Variants in QRFP observed in about 807,000 individuals in gnomAD.
QRFP encodes orexigenic neuropeptide QRFP.
QRFP carries 7 observed loss-of-function variants against 9.1 expected under a neutral mutation model. The ratio of observed to expected loss-of-function variants is 0.77; its 90% CI spans 0.44 to 1.45. QRFP has a LOEUF of 1.45. QRFP is among the 40% of genes most tolerant of loss of function. The pLI is 0.01. For missense variants in QRFP, 204 were observed against 185.4 expected, an observed-to-expected ratio of 1.10 and a Z score of -0.58; for synonymous variants, 91 against 80.2, an observed-to-expected ratio of 1.13 and a Z score of -0.72.
intron 2 of QRFP, among the ~76,000 whole-genome samples, chr9:130,894,091 C>T (rs953511325): frequency 3.9e-5 from 6 of 152,234 alleles, no homozygotes; most frequent in African/African-American, 1.4e-4. Flanking sequence ...ACCGTAAATC[C>T]ACCGCTGCTG....
Position 130,893,381 on chromosome 9 carries a change from A to G in QRFP, c.*47T>C. The G allele has an allele frequency of 1.3e-6, 2 of 1,522,976 alleles. No individual in the cohort carries two copies. Among genetic ancestry groups the G allele is most frequent in the Middle Eastern group, 1.8e-4 (1 of 5,638 alleles). 94.3% of individuals were successfully genotyped at this position (1,522,976 alleles called of 1,614,324 possible). ...GGGGGAGAAGGCAGGAGTGAAGACA[A>G]TGGGGGTGAGTCCAAGAAGCAAATC... On this transcript the variant is annotated 3_prime_UTR_variant, in exon 3 of 3. Coordinates refer to ENST00000623824, the MANE Select transcript of QRFP (RefSeq NM_198180.3).
chr9:130,893,831 C>CT lies in QRFP; in HGVS notation c.7dup (p.Arg3LysfsTer94). On this transcript the variant is annotated frameshift_variant, in exon 3 of 3. Transcript: ENST00000623824. LOFTEE classifies it high-confidence loss of function. The stretch of plus-strand genomic sequence containing the variant: ...GAGGAAGTAGATCAGGGGGTAAGGC[C>CT]TTACCATCTGACCCAGAGGAAAGAG... 6.6e-7 allele frequency: 1 copy of CT among 1,520,244 alleles called. No homozygotes were observed. The highest frequency in any genetic ancestry group is 8.8e-7 in the Non-Finnish European group (1 of 1,134,240). 94.2% of individuals were successfully genotyped at this position (1,520,244 alleles called of 1,614,324 possible). A position where few individuals can be genotyped will look rare whatever the true frequency, so the allele number is the denominator to read the frequency against.
In QRFP at chr9:130,893,599, C is replaced by T; in HGVS notation, c.240G>A (p.Glu80=). The T allele has an allele frequency of 6.2e-7, 1 of 1,612,492 alleles. No homozygotes were observed. The highest frequency in any genetic ancestry group is 8.5e-7 in the Non-Finnish European group (1 of 1,179,552). The change falls in exon 3 of 3, where the codon GAG becomes GAA. Residue 80 remains glutamate, a synonymous_variant. Coordinates refer to ENST00000623824, the MANE Select transcript of QRFP (RefSeq NM_198180.3). ...IARGLQTSGR[E]HAGCRFRFGR... is the part of the protein sequence containing the mutation. ...CGAAGCGGAATCTGCAGCCAGCATG[C>T]TCTCTGCCCGATGTCTGCAGCCCCC...
In QRFP at chr9:130,893,737, G is replaced by C. The variant is rs145979438; in HGVS notation, c.102C>G (p.Leu34=). The C allele has an allele frequency of 1.5e-5, 24 of 1,610,026 alleles. No individual in the cohort carries two copies. The African/African-American group carries it at 2.8e-4, about 19-fold the overall frequency. Residue 34 remains leucine (L), a synonymous_variant, in exon 3 of 3, where the codon CTC becomes CTG. Coordinates refer to ENST00000623824, the MANE Select transcript of QRFP (RefSeq NM_198180.3). ...RREPTDAMGG[L]GAGERWADLA... Reference sequence around the variant, plus strand: ...GGTCGGCCCAGCGTTCTCCAGCTCCGAGGCCACCCATGGCGTCTGTGGGCT... The same window carrying C: ...GGTCGGCCCAGCGTTCTCCAGCTCCCAGGCCACCCATGGCGTCTGTGGGCT...
At position 130,893,763 on chromosome 9, in the gene QRFP, C is replaced by T; in HGVS notation, c.76G>A (p.Glu26Lys). The T allele has an allele frequency of 6.2e-7, 1 of 1,601,482 alleles. No homozygotes were observed. The highest frequency in any genetic ancestry group is 8.5e-7 in the Non-Finnish European group (1 of 1,174,528). ...GACFPLLDRREPTDAMGGLGA... is the reference protein window; with the variant it reads ...GACFPLLDRRKPTDAMGGLGA... ...AGGCCACCCATGGCGTCTGTGGGCT[C>T]TCTTCTGTCCAGTAGAGGGAAGCAG... Residue 26 changes from glutamate (E) to lysine (K), a missense_variant, in exon 3 of 3, where the codon GAG becomes AAG. Coordinates refer to ENST00000623824, the MANE Select transcript of QRFP (RefSeq NM_198180.3).
chr9:130,895,208 C>T (rs1298633309), intron 2 of QRFP, among the ~76,000 whole-genome samples: 2 of 152,164 alleles, frequency 1.3e-5, no homozygotes, highest in African/African-American at 2.4e-5. Flanking sequence ...CTTTCTGCAG[C>T]GGCCCAGCCC....
At position 130,893,482 on chromosome 9, in the gene QRFP, G is replaced by A. The variant is rs146765370; in HGVS notation, c.357C>T (p.Leu119=). ...SGPLGNLAEE[L]NGYSRKKGGF... is the part of the protein sequence containing the mutation. Reference sequence around the variant, plus strand: ...CGCCTTTCTTCCTGCTGTAGCCATTGAGCTCCTCAGCCAGGTTCCCTAACG... The same window carrying A: ...CGCCTTTCTTCCTGCTGTAGCCATTAAGCTCCTCAGCCAGGTTCCCTAACG... The change falls in exon 3 of 3, where the codon CTC becomes CTT. Residue 119 remains leucine, a synonymous_variant. Transcript: ENST00000623824. 1.2e-3 allele frequency: 1,849 copies of A among 1,605,158 alleles called. 1 individual carries two copies. Among genetic ancestry groups the A allele is most frequent in the Middle Eastern group, 1.7e-3 (10 of 6,034 alleles).
rs1564328122 is a variant in QRFP at position 130,893,553 on chromosome 9, C to T, written c.286G>A (p.Glu96Lys). The change falls in exon 3 of 3, where the codon GAG (glutamate) becomes AAG (lysine). Residue 96 changes from glutamate to lysine, a missense_variant. By Grantham distance (56) the Glu-to-Lys change is moderately conservative (BLOSUM62 1). Coordinates refer to ENST00000623824, the MANE Select transcript of QRFP (RefSeq NM_198180.3). Reference protein sequence around the residue: ...FRFGRQDEGSEATGFLPAAGE... With the variant: ...FRFGRQDEGSKATGFLPAAGE... ...GCAGCAGGGAGGAAGCCGGTGGCCT[C>T]ACTGCCTTCGTCCTGCCTCCCGAAG... 6.2e-7 allele frequency: 1 copy of T among 1,612,966 alleles called. No individual in the cohort carries two copies. Among genetic ancestry groups the T allele is most frequent in the Non-Finnish European group, 8.5e-7 (1 of 1,179,864 alleles).
chr9:130,895,895 CTGT>C lies in QRFP; in HGVS notation c.-202_-200del, dbSNP rs374344074. On this transcript the variant is annotated 5_prime_UTR_variant, in exon 2 of 3. Transcript: ENST00000623824. ...TGACCCTGGGATTCCATTGGGGACGCTGTTGTTGAAGAGGGGCAGTGCTGACCG... is the reference window on the plus strand; with the variant it reads ...TGACCCTGGGATTCCATTGGGGACGCTGTTGAAGAGGGGCAGTGCTGACCG... 72 of 152,578 alleles carry C rather than the reference CTGT, an allele frequency of 4.7e-4. No homozygotes were observed. Among genetic ancestry groups the C allele is most frequent in the African/African-American group, 1.6e-3 (67 of 41,572 alleles). The allele number at this position is 152,578 out of a possible 1,614,324, so 9.5% of individuals were successfully genotyped here.
rs754472483 is a variant in QRFP at position 130,893,774 on chromosome 9, A to G, written c.65T>C (p.Leu22Pro). 2.5e-6 allele frequency: 4 copies of G among 1,580,434 alleles called. No individual in the cohort carries two copies. The highest frequency in any genetic ancestry group is 3.4e-6 in the Non-Finnish European group (4 of 1,164,572). ...FLPLGACFPL[L>P]DRREPTDAMG... is the part of the protein sequence containing the mutation. Reference sequence around the variant, plus strand: ...GGCGTCTGTGGGCTCTCTTCTGTCCAGTAGAGGGAAGCAGGCGCCCAGCGG... The same window carrying G: ...GGCGTCTGTGGGCTCTCTTCTGTCCGGTAGAGGGAAGCAGGCGCCCAGCGG... Residue 22 changes from leucine to proline, a missense_variant, in exon 3 of 3, where the codon CTG becomes CCG. Leu to Pro is a moderately conservative substitution (Grantham distance 98). Coordinates refer to ENST00000623824, the MANE Select transcript of QRFP (RefSeq NM_198180.3).
At chr9:130,896,233 C>T (rs1263388175) in intron 1 of QRFP, among the ~76,000 whole-genome samples, 1 of 152,222 alleles carries the variant, frequency 6.6e-6, no homozygotes, top group East Asian at 1.9e-4. Context: ...AGGCACCGGG[C>T]TGCGCGGCTA....
At chr9:130,895,287 G>A (rs1202183896) in intron 2 of QRFP, among the ~76,000 whole-genome samples, 1 of 152,204 alleles carries the variant, frequency 6.6e-6, no homozygotes, top group African/African-American at 2.4e-5. Context: ...CATCCTGGTG[G>A]ATAAATCCAC....
Position 130,893,772 on chromosome 9 carries a change from C to A in QRFP, c.67G>T (p.Asp23Tyr), listed in dbSNP as rs766000431. 8.2e-6 allele frequency: 13 copies of A among 1,588,194 alleles called. No homozygotes were observed. The highest frequency in any genetic ancestry group is 1.1e-5 in the Non-Finnish European group (13 of 1,168,262). Residue 23 changes from aspartate to tyrosine, a missense_variant, in exon 3 of 3, where the codon GAC becomes TAC. By Grantham distance (160) the Asp-to-Tyr change is radical (BLOSUM62 -3). Transcript: ENST00000623824. ...ATGGCGTCTGTGGGCTCTCTTCTGTCCAGTAGAGGGAAGCAGGCGCCCAGC... is the reference window on the plus strand; with the variant it reads ...ATGGCGTCTGTGGGCTCTCTTCTGTACAGTAGAGGGAAGCAGGCGCCCAGC... ...LPLGACFPLL[D>Y]RREPTDAMGG...
chr9:130,896,659 C>A lies in QRFP; in HGVS notation c.-368G>T, dbSNP rs547908133. 1 of 152,252 alleles carries A rather than the reference C, an allele frequency of 6.6e-6. No homozygotes were observed. The highest frequency in any genetic ancestry group is 2.4e-5 in the African/African-American group (1 of 41,452). 9.4% of individuals were successfully genotyped at this position (152,252 alleles called of 1,614,324 possible). A position where few individuals can be genotyped will look rare whatever the true frequency, so the allele number is the denominator to read the frequency against. On this transcript the variant is annotated 5_prime_UTR_variant, in exon 1 of 3. Transcript: ENST00000623824. ...CTTCCCCAGAGACCTGAGGAAGGCACTGGAATCTCGATCCTCCACTTCGGG... is the reference window on the plus strand; with the variant it reads ...CTTCCCCAGAGACCTGAGGAAGGCAATGGAATCTCGATCCTCCACTTCGGG...
chr9:130,895,304 G>A (rs1242652311), intron 2 of QRFP, among the ~76,000 whole-genome samples: 2 of 152,208 alleles, frequency 1.3e-5, no homozygotes, highest in Non-Finnish European at 2.9e-5. Context: ...CCACCCGGGA[G>A]TGGCCTCTGG....
intron 1 of QRFP, 83 bp downstream of exon 1, chr9:130,896,494 T>C (rs1257959935): frequency 6.6e-6 from 1 of 152,192 alleles, no homozygotes. Context: ...AGGGGGGTGA[T>C]GAGGCAGCCC....
chr9:130,893,423 G>A lies in QRFP; in HGVS notation c.*5C>T, dbSNP rs754755947. The stretch of plus-strand genomic sequence containing the variant: ...AAGCAAATCCTTCCAAGGCGTCCTG[G>A]CCCTTCACCGCCGACCGAAGCGGAA... On this transcript the variant is annotated 3_prime_UTR_variant, in exon 3 of 3. Coordinates refer to ENST00000623824, the MANE Select transcript of QRFP (RefSeq NM_198180.3). The A allele has an allele frequency of 1.5e-5, 24 of 1,572,132 alleles. No homozygotes were observed. The South Asian group carries it at 2.6e-4, about 17-fold the overall frequency.
rs754251960 is a variant in QRFP at position 130,893,453 on chromosome 9, A to AAGCCGCCTTTCTTCCTGCTGT, written c.365_385dup (p.Tyr122_Gly128dup). The AAGCCGCCTTTCTTCCTGCTGT allele has an allele frequency of 3.1e-6, 5 of 1,587,546 alleles. No homozygotes were observed. The South Asian group carries it at 3.4e-5, about 11-fold the overall frequency. On this transcript the variant is annotated inframe_insertion, in exon 3 of 3. Coordinates refer to ENST00000623824, the MANE Select transcript of QRFP (RefSeq NM_198180.3). The stretch of plus-strand genomic sequence containing the variant: ...TCACCGCCGACCGAAGCGGAAGCTG[A>AAGCCGCCTTTCTTCCTGCTGT]AGCCGCCTTTCTTCCTGCTGTAGCC...
At chr9:130,895,534 C>T (rs1831744912) in intron 2 of QRFP, among the ~76,000 whole-genome samples, 163 bp downstream of exon 2, 1 of 152,228 alleles carries the variant, frequency 6.6e-6, no homozygotes, top group Non-Finnish European at 1.5e-5. Flanking sequence ...CAGCCGTGAC[C>T]AATCTGTGCT....
Sources: allele counts gnomAD v4.1 joint callset (sites outside exome capture counted in the v4.1 genomes callset), GRCh38; gene constraint gnomAD v4.1.1; transcripts MANE v1.5; gene names NCBI Gene and HGNC (gene_info 2026-07-23, HGNC 2026-07-21).